Variants in HIP1 observed in about 807,000 individuals in gnomAD.
The protein encoded by HIP1 is huntingtin-interacting protein 1.
In HIP1, 65 loss-of-function variants were observed where a neutral mutation model predicts 147.6. That is an observed-to-expected ratio of 0.44 (90% CI 0.36 to 0.54). HIP1 has a LOEUF of 0.54. Ranked by LOEUF, HIP1 falls within the 20% of genes least tolerant of loss-of-function variation. The pLI, the probability that HIP1 is intolerant of heterozygous loss-of-function variation, is 0.00. For synonymous variants in HIP1, 479 were observed against 504.0 expected, an observed-to-expected ratio of 0.95 and a Z score of 0.67; for missense variants, 1,061 against 1,299.6, an observed-to-expected ratio of 0.82 and a Z score of 2.82.
intron 1 of HIP1, among the ~76,000 whole-genome samples, chr7:75,685,331 G>T (rs910972501): frequency 6.6e-6 from 1 of 151,960 alleles, no homozygotes. Flanking sequence ...CCAACACCAG[G>T]GAACAGGTGC....
At chr7:75,596,529 G>C (rs879946896) in intron 2 of HIP1, among the ~76,000 whole-genome samples, 3 of 152,160 alleles carry the variant, frequency 2.0e-5, no homozygotes, top group Non-Finnish European at 4.4e-5. Flanking sequence ...TGGGATTACA[G>C]GTACCTGCCA....
chr7:75,554,029 G>A (rs149178627), intron 21 of HIP1, 84 bp downstream of exon 21: 16 of 974,570 alleles, frequency 1.6e-5, no homozygotes, highest in Non-Finnish European at 2.4e-5. Flanking sequence ...ACAGGCATGA[G>A]CCACTGCGCC....
intron 9 of HIP1, among the ~76,000 whole-genome samples, chr7:75,566,497 A>G (rs1795407230): frequency 6.6e-6 from 1 of 151,568 alleles, no homozygotes; most frequent in African/African-American, 2.4e-5. Flanking sequence ...CTAGAAAAAA[A>G]GTGGTAAATT....
intron 1 of HIP1, among the ~76,000 whole-genome samples, chr7:75,602,983 G>GCT (rs1797064008): frequency 6.6e-6 from 1 of 151,958 alleles, no homozygotes; most frequent in African/African-American, 2.4e-5. Flanking sequence ...CATGAAATGA[G>GCT]ACAGAGATGA....
In HIP1 at chr7:75,617,064, A is replaced by G. The variant is rs373274538; in HGVS notation, c.121-17817T>C. 4.2e-3 allele frequency among the ~76,000 whole-genome samples: 591 copies of G among 140,592 alleles called. 8 individuals carry two copies. Among genetic ancestry groups the G allele is most frequent in the African/African-American group, 0.015 (571 of 37,654 alleles). 92.2% of individuals were successfully genotyped at this position (140,592 alleles called of 152,430 possible). ...TGGGAGCACAGGTGCATGCCACCAC[A>G]CCCAGCTAATTTTTTTTTTTTTTTT... On this transcript the variant is annotated intron_variant, in intron 1 of 30. Coordinates refer to ENST00000336926, the MANE Select transcript of HIP1 (RefSeq NM_005338.7).
chr7:75,736,316 G>C (rs1802019483), intron 1 of HIP1, among the ~76,000 whole-genome samples: 1 of 151,938 alleles, frequency 6.6e-6, no homozygotes, highest in African/African-American at 2.4e-5. Context: ...ATGGGTCAAA[G>C]TCTTACGCAT....
chr7:75,710,270 T>C (rs1224421498), intron 1 of HIP1, among the ~76,000 whole-genome samples: 1 of 152,242 alleles, frequency 6.6e-6, no homozygotes, highest in Non-Finnish European at 1.5e-5. Context: ...GAGATGATCA[T>C]GTGGGTTTTT....
At chr7:75,541,833 C>A in intron 29 of HIP1, 86 bp downstream of exon 29, 1 of 1,012,426 alleles carries the variant, frequency 9.9e-7, no homozygotes, top group South Asian at 1.3e-5. Flanking sequence ...GTGTTCATTT[C>A]CCTCTGGCTT....
At position 75,545,182 on chromosome 7, in the gene HIP1, C is replaced by T. The variant is rs782384664; in HGVS notation, c.2566G>A (p.Ala856Thr). The T allele has an allele frequency of 6.3e-7, 1 of 1,593,662 alleles. No individual in the cohort carries two copies. The highest frequency in any genetic ancestry group is 8.6e-7 in the Non-Finnish European group (1 of 1,163,130). ...REIVESGRGT[A>T]SPKEFYAKNS... ...TTGGCATAAAACTCTTTAGGGGATGCTGTACCCTAGGGAAATAAAAAATAG... is the reference window on the plus strand; with the variant it reads ...TTGGCATAAAACTCTTTAGGGGATGTTGTACCCTAGGGAAATAAAAAATAG... Residue 856 changes from alanine (A) to threonine (T), a missense_variant, in exon 26 of 31, where the codon GCA becomes ACA. Around this residue, in one of 3 missense-constraint regions of HIP1, gnomAD observed 810 missense variants for 946.8 expected, o/e 0.86. Coordinates refer to ENST00000336926, the MANE Select transcript of HIP1 (RefSeq NM_005338.7).
chr7:75,559,852 GCT>G lies in HIP1; in HGVS notation c.1253_1254del (p.Glu418AlafsTer13). On this transcript the variant is annotated frameshift_variant, in exon 14 of 31. Transcript: ENST00000336926. LOFTEE classifies it high-confidence loss of function. ...GCCGCCTGCTGCCGCAGGTGCTGCT[GCT>G]CGGCCAGATCTGCTTCCAGCTCGCT... ...HVSELEADLA[E>X]QQHLRQQAAD... The G allele has an allele frequency of 6.2e-7, 1 of 1,612,624 alleles. No individual in the cohort carries two copies. Among genetic ancestry groups the G allele is most frequent in the Non-Finnish European group, 8.5e-7 (1 of 1,179,884 alleles).
intron 1 of HIP1, among the ~76,000 whole-genome samples, chr7:75,612,036 C>T (rs1797456602): frequency 5.3e-5 from 8 of 152,250 alleles, no homozygotes; most frequent in East Asian, 1.9e-4. Context: ...GTCACATACA[C>T]ACAGCTCTTG....
chr7:75,676,811 C>A (rs1276239604), intron 1 of HIP1, among the ~76,000 whole-genome samples: 5 of 148,416 alleles, frequency 3.4e-5, no homozygotes, highest in Non-Finnish European at 7.4e-5. Context: ...ATGGACATCT[C>A]ATTCCTTAGC....
At chr7:75,557,316 G>A (rs1196075126) in intron 16 of HIP1, among the ~76,000 whole-genome samples, 1 of 151,696 alleles carries the variant, frequency 6.6e-6, no homozygotes, top group Admixed American at 6.6e-5. Flanking sequence ...TGGGATTACT[G>A]CCGTCTCAAA....
chr7:75,584,317 C>T (rs2116935570), intron 5 of HIP1, among the ~76,000 whole-genome samples: 2 of 152,034 alleles, frequency 1.3e-5, no homozygotes, highest in Admixed American at 1.3e-4. Context: ...AGGCTGGTCT[C>T]ACCTCAAGCC....
chr7:75,706,476 T>TTTC (rs1198482932), intron 1 of HIP1, among the ~76,000 whole-genome samples: 3 of 148,274 alleles, frequency 2.0e-5, no homozygotes, highest in African/African-American at 7.4e-5. Flanking sequence ...ATATCTTCTT[T>TTTC]TTTTTTATTT....
chr7:75,686,263 T>C (rs1308657386), intron 1 of HIP1, among the ~76,000 whole-genome samples: 15 of 152,204 alleles, frequency 9.9e-5, no homozygotes, highest in African/African-American at 3.4e-4. Context: ...CATCTTCCTT[T>C]ATTTATATGC....
chr7:75,537,301 C>G lies in HIP1; in HGVS notation c.*871G>C, dbSNP rs1350751332. ...CAGCTTTAGGAGGGAAAGGCACTCA[C>G]TCTCCTTCTGCTTTTTGAGGAAAGC... On this transcript the variant is annotated 3_prime_UTR_variant, in exon 31 of 31. Coordinates refer to ENST00000336926, the MANE Select transcript of HIP1 (RefSeq NM_005338.7). The G allele has an allele frequency of 1.3e-5, 3 of 233,032 alleles. No homozygotes were observed. Among genetic ancestry groups the G allele is most frequent in the Non-Finnish European group, 2.5e-5 (3 of 117,766 alleles). The allele number at this position is 233,032 out of a possible 1,614,324, so 14.4% of individuals were successfully genotyped here. A position where few individuals can be genotyped will look rare whatever the true frequency, so the allele number is the denominator to read the frequency against.
rs148236258 is a variant in HIP1 at position 75,695,138 on chromosome 7, G to A, written c.120+43663C>T. Reference sequence around the variant, plus strand: ...CCTTGGTTAGATGTTTATATTAGCAGTGAGGCTCTAAAAAGTTAATTGGAA... The same window carrying A: ...CCTTGGTTAGATGTTTATATTAGCAATGAGGCTCTAAAAAGTTAATTGGAA... On this transcript the variant is annotated intron_variant, in intron 1 of 30. Transcript: ENST00000336926. Among the ~76,000 whole-genome samples, 109 of 152,310 alleles carry A rather than the reference G, an allele frequency of 7.2e-4. 2 individuals carry two copies. The highest frequency in any genetic ancestry group is 2.4e-3 in the African/African-American group (99 of 41,576).
At chr7:75,546,424 C>T (rs1314842079) in intron 25 of HIP1, among the ~76,000 whole-genome samples, 1 of 152,162 alleles carries the variant, frequency 6.6e-6, no homozygotes, top group African/African-American at 2.4e-5. Context: ...GGACTTACGC[C>T]TCCCGAGCTG....
Sources: allele counts gnomAD v4.1 joint callset (sites outside exome capture counted in the v4.1 genomes callset), GRCh38; gene constraint gnomAD v4.1.1; regional missense constraint gnomAD v4.1.1; transcripts MANE v1.5; gene names NCBI Gene and HGNC (gene_info 2026-07-23, HGNC 2026-07-21).